The following SHISA9 variants were observed in gnomAD, a reference collection of about 807,000 sequenced individuals.
SHISA9 encodes protein shisa-9.
Under a neutral mutation model 38.0 loss-of-function variants are expected in SHISA9, and 13 were observed. The observed-to-expected ratio is 0.34, with a 90% confidence interval of 0.22 to 0.54. The LOEUF is 0.54. Ranked by LOEUF, SHISA9 falls within the 20% of genes least tolerant of loss-of-function variation. The pLI is 0.91. For missense variants in SHISA9, 538 were observed against 575.8 expected (o/e 0.93, Z 0.67); for synonymous variants, 275 against 242.0 (o/e 1.14, Z -1.27).
At chr16:13,101,362 A>G (rs1596648830) in intron 2 of SHISA9, among the ~76,000 whole-genome samples, 1 of 152,250 alleles carries the variant, frequency 6.6e-6, no homozygotes, top group Non-Finnish European at 1.5e-5. Context: ...ATATATATCA[A>G]AACATCAAGT....
intron 2 of SHISA9, among the ~76,000 whole-genome samples, chr16:13,078,414 A>AT (rs397789589): frequency 0.12 from 18,211 of 150,840 alleles, 1,517 homozygotes; most frequent in African/African-American, 0.21. Flanking sequence ...TTTCTCAACT[A>AT]TTTTTTTTTA....
At chr16:13,332,717 AT>A in the SHISA9 span, 1 of 152,204 alleles carries the variant, frequency 6.6e-6, no homozygotes, top group Non-Finnish European at 1.5e-5. Context: ...ATAAAAAAAA[AT>A]TCAACAGGGT....
intron 2 of SHISA9, among the ~76,000 whole-genome samples, chr16:13,005,944 G>A (rs1473443227): frequency 1.3e-5 from 2 of 152,196 alleles, no homozygotes; most frequent in African/African-American, 4.8e-5. Context: ...AACAGTGGGA[G>A]GCTCTTATTT....
At chr16:13,376,411 A>G in the SHISA9 span, among the ~76,000 whole-genome samples, 3 of 152,220 alleles carry the variant, frequency 2.0e-5, no homozygotes, top group Admixed American at 6.5e-5. Context: ...TTATATGACT[A>G]CATGCTTCTC....
chr16:13,451,353 C>A, the SHISA9 span, among the ~76,000 whole-genome samples: 6 of 152,326 alleles, frequency 3.9e-5, no homozygotes, highest in Admixed American at 2.0e-4. Context: ...GGGAAGAAAC[C>A]AAGCACAGAT....
At chr16:13,496,686 C>A in the SHISA9 span, among the ~76,000 whole-genome samples, 1 of 151,850 alleles carries the variant, frequency 6.6e-6, no homozygotes, top group Non-Finnish European at 1.5e-5. Flanking sequence ...TGATGAGTTA[C>A]AAAATCAGTA....
chr16:13,164,672 A>G (rs1278593842), intron 2 of SHISA9, among the ~76,000 whole-genome samples: 1 of 152,038 alleles, frequency 6.6e-6, no homozygotes, highest in African/African-American at 2.4e-5. Flanking sequence ...CATCTCACAC[A>G]TTTCGATATG....
At chr16:13,139,536 C>A (rs1213637886) in intron 2 of SHISA9, among the ~76,000 whole-genome samples, 1 of 151,332 alleles carries the variant, frequency 6.6e-6, no homozygotes, top group African/African-American at 2.4e-5. Context: ...AAAGTAGAAC[C>A]ACTCCCTTAA....
chr16:13,293,348 G>C, the SHISA9 span, among the ~76,000 whole-genome samples: 1 of 152,116 alleles, frequency 6.6e-6, no homozygotes, highest in Admixed American at 6.6e-5. Flanking sequence ...CCTATGGCTA[G>C]TCAACCATTA....
At chr16:13,070,862 T>G (rs1027810799) in intron 2 of SHISA9, among the ~76,000 whole-genome samples, 3 of 152,014 alleles carry the variant, frequency 2.0e-5, no homozygotes, top group African/African-American at 7.2e-5. Flanking sequence ...CATTAAGAAG[T>G]CCTCACAGCC....
At chr16:13,509,386 A>T in the SHISA9 span, among the ~76,000 whole-genome samples, 1 of 151,948 alleles carries the variant, frequency 6.6e-6, no homozygotes, top group Non-Finnish European at 1.5e-5. Flanking sequence ...GATTCAAAGC[A>T]TGCCTCCATT....
At chr16:13,152,378 A>G (rs1191677410) in intron 2 of SHISA9, among the ~76,000 whole-genome samples, 1 of 152,198 alleles carries the variant, frequency 6.6e-6, no homozygotes. Context: ...GCCAAGGCTC[A>G]TGGGTTATAA....
At chr16:13,449,775 T>C in the SHISA9 span, among the ~76,000 whole-genome samples, 1 of 152,156 alleles carries the variant, frequency 6.6e-6, no homozygotes, top group East Asian at 1.9e-4. Context: ...ACCATTATAT[T>C]GTAGACATCT....
the SHISA9 span, among the ~76,000 whole-genome samples, chr16:13,530,338 C>A: frequency 0.071 from 10,846 of 152,160 alleles, 517 homozygotes; most frequent in Admixed American, 0.16. Flanking sequence ...ATATCACCTA[C>A]CAGCTCTGTG....
At chr16:12,906,559 G>A (rs184088033) in intron 1 of SHISA9, among the ~76,000 whole-genome samples, 9 of 152,322 alleles carry the variant, frequency 5.9e-5, no homozygotes, top group Admixed American at 3.9e-4. Context: ...TAGAATAAAT[G>A]ACTGCACATG....
At chr16:13,374,975 C>A in the SHISA9 span, among the ~76,000 whole-genome samples, 69 of 152,184 alleles carry the variant, frequency 4.5e-4, no homozygotes, top group African/African-American at 1.5e-3. Context: ...TTTTGAGAAG[C>A]GTCTGTTCAT....
intron 2 of SHISA9, among the ~76,000 whole-genome samples, chr16:12,955,761 A>G (rs2071824640): frequency 6.6e-6 from 1 of 152,166 alleles, no homozygotes; most frequent in African/African-American, 2.4e-5. Flanking sequence ...TTAACTCAAG[A>G]TGAATTAAGG....
chr16:13,541,292 A>C, the SHISA9 span, among the ~76,000 whole-genome samples: 2 of 152,338 alleles, frequency 1.3e-5, no homozygotes, highest in East Asian at 3.9e-4. Context: ...TGAGAAAAAC[A>C]GAGTAATGTA....
At chr16:13,047,353 C>T (rs2073199483) in intron 2 of SHISA9, among the ~76,000 whole-genome samples, 1 of 152,024 alleles carries the variant, frequency 6.6e-6, no homozygotes, top group Non-Finnish European at 1.5e-5. Context: ...CAGGAAAATT[C>T]CTGGGAGCCT....
Sources: allele counts gnomAD v4.1 joint callset (sites outside exome capture counted in the v4.1 genomes callset), GRCh38; gene constraint gnomAD v4.1.1; transcripts MANE v1.5; gene names NCBI Gene and HGNC (gene_info 2026-07-23, HGNC 2026-07-21).